The following RTL4 variants were observed in gnomAD, a reference collection of about 807,000 sequenced individuals.
RTL4 encodes retrotransposon Gag like 4, also known as retrotransposon Gag-like protein 4.
Under a neutral mutation model 5.3 loss-of-function variants are expected in RTL4, and 4 were observed. The ratio of observed to expected loss-of-function variants is 0.75; its 90% CI spans 0.37 to 1.72. The LOEUF (loss-of-function observed/expected upper bound fraction) is 1.72, where lower values mean the gene tolerates loss of function less well. Ranked by LOEUF, RTL4 falls within the 40% of genes most tolerant of loss-of-function variation. The pLI, the probability that RTL4 is intolerant of heterozygous loss-of-function variation, is 0.04. For missense variants in RTL4, 260 were observed against 227.1 expected (o/e 1.14, Z -0.93); for synonymous variants, 98 against 87.3 (o/e 1.12, Z -0.68).
chrX:112,210,980 G>A, the RTL4 span, among the ~76,000 whole-genome samples: 4 of 112,212 alleles, frequency 3.6e-5, no homozygotes, highest in Non-Finnish European at 7.5e-5. Flanking sequence ...GAAGCTATTC[G>A]TTCAAAACAG....
the RTL4 span, among the ~76,000 whole-genome samples, chrX:112,232,949 T>C: frequency 9.0e-6 from 1 of 111,280 alleles, no homozygotes; most frequent in African/African-American, 3.3e-5. Context: ...ATGGTGATGG[T>C]ATTACAGCTA....
At chrX:112,288,554 GTTTTACTCCT>G in the RTL4 span, among the ~76,000 whole-genome samples, 1 of 112,004 alleles carries the variant, frequency 8.9e-6, no homozygotes, top group Non-Finnish European at 1.9e-5. Context: ...ATGCTGTTTT[GTTTTACTCCT>G]TTCACTTTGT....
chrX:112,404,980 G>A, the RTL4 span, among the ~76,000 whole-genome samples: 1 of 112,006 alleles, frequency 8.9e-6, no homozygotes, highest in Admixed American at 9.5e-5. Context: ...GATTGTGCAG[G>A]TCAGGGTGGA....
chrX:112,289,747 CA>C, the RTL4 span, among the ~76,000 whole-genome samples: 1 of 103,376 alleles, frequency 9.7e-6, no homozygotes, highest in African/African-American at 3.7e-5. Context: ...GTACTATGTG[CA>C]TGTGTGTACG....
chrX:112,211,936 G>A, the RTL4 span, among the ~76,000 whole-genome samples: 2 of 112,071 alleles, frequency 1.8e-5, no homozygotes, highest in South Asian at 7.5e-4. Context: ...GGGTGATAGA[G>A]GTGAACAGGG....
At chrX:112,414,075 A>G in the RTL4 span, among the ~76,000 whole-genome samples, 6 of 111,622 alleles carry the variant, frequency 5.4e-5, no homozygotes, top group Non-Finnish European at 9.4e-5. Context: ...TATTTGGTAC[A>G]TAGTAGGAAC....
At chrX:112,422,243 A>T in the RTL4 span, among the ~76,000 whole-genome samples, 1 of 111,680 alleles carries the variant, frequency 9.0e-6, no homozygotes, top group East Asian at 2.8e-4. Context: ...ACATTTATAG[A>T]GTGACTACTA....
At chrX:112,235,293 G>A in the RTL4 span, among the ~76,000 whole-genome samples, 1 of 111,879 alleles carries the variant, frequency 8.9e-6, no homozygotes, top group South Asian at 3.8e-4. Context: ...AAGGTGGCAT[G>A]ACCACATCCC....
the RTL4 span, among the ~76,000 whole-genome samples, chrX:112,143,848 G>A: frequency 8.9e-6 from 1 of 111,800 alleles, no homozygotes; most frequent in African/African-American, 3.2e-5. Flanking sequence ...ATTTCTTAAA[G>A]CACATCTTTA....
At chrX:112,148,228 T>C in the RTL4 span, among the ~76,000 whole-genome samples, 1 of 108,004 alleles carries the variant, frequency 9.3e-6, no homozygotes, top group Non-Finnish European at 1.9e-5. Flanking sequence ...TACAGTGATG[T>C]GAACTTGGGA....
At chrX:112,098,610 T>C in the RTL4 span, among the ~76,000 whole-genome samples, 17,973 of 110,372 alleles carry the variant, frequency 0.16, 2,412 homozygotes, top group African/African-American at 0.44. Flanking sequence ...TCCACATGCT[T>C]TCCAGCACCT....
chrX:112,445,352 T>C, the RTL4 span, among the ~76,000 whole-genome samples: 1 of 112,664 alleles, frequency 8.9e-6, no homozygotes, highest in Non-Finnish European at 1.9e-5. Context: ...AAAAGCTTTT[T>C]GTTTTTGTTC....
chrX:112,295,188 T>C, the RTL4 span, among the ~76,000 whole-genome samples: 1 of 111,823 alleles, frequency 8.9e-6, no homozygotes, highest in Non-Finnish European at 1.9e-5. Flanking sequence ...CAAAATGATT[T>C]TGGCCACTCA....
chrX:112,135,109 C>T, the RTL4 span, among the ~76,000 whole-genome samples: 1 of 112,295 alleles, frequency 8.9e-6, no homozygotes, highest in Non-Finnish European at 1.9e-5. Flanking sequence ...TAACTTTTAA[C>T]ATTTTAAGAA....
chrX:112,161,862 TTTCTTTCTTTCC>T, the RTL4 span, among the ~76,000 whole-genome samples: 4 of 45,753 alleles, frequency 8.7e-5, no homozygotes, highest in Admixed American at 1.0e-3. Context: ...TCTTTCTTTC[TTTCTTTCTTTCC>T]TTCTTTCTTC....
the RTL4 span, among the ~76,000 whole-genome samples, chrX:112,326,634 C>T: frequency 2.7e-5 from 3 of 111,943 alleles, no homozygotes; most frequent in East Asian, 2.8e-4. Context: ...CCGGGAAGCT[C>T]GAACTGGGTG....
chrX:112,372,817 C>T, the RTL4 span, among the ~76,000 whole-genome samples: 3 of 111,824 alleles, frequency 2.7e-5, no homozygotes, highest in East Asian at 5.7e-4. Context: ...TCATACTTGC[C>T]TTTAAGAATT....
the RTL4 span, among the ~76,000 whole-genome samples, chrX:112,253,936 T>C: frequency 1.8e-5 from 2 of 112,104 alleles, no homozygotes; most frequent in Non-Finnish European, 3.8e-5. Context: ...TAATTTTCCA[T>C]CCATTGATCC....
the RTL4 span, among the ~76,000 whole-genome samples, chrX:112,190,068 C>T: frequency 1.8e-5 from 2 of 112,150 alleles, no homozygotes; most frequent in Non-Finnish European, 1.9e-5. Context: ...GATAATGCAT[C>T]TTTGTGGAGT....
Sources: gnomAD v4.1 joint callset for allele counts (sites outside exome capture counted in the v4.1 genomes callset) on GRCh38, gnomAD v4.1.1 for gene constraint, MANE v1.5 for transcripts, NCBI Gene and HGNC (gene_info 2026-07-23, HGNC 2026-07-21) for gene names.